HRAS: variants seen among roughly 807,000 people sequenced by gnomAD.
The protein encoded by HRAS is HRas proto-oncogene, GTPase, also known as GTPase HRas.
HRAS carries 11 observed loss-of-function variants against 19.8 expected under a neutral mutation model. That is an observed-to-expected ratio of 0.55 (90% confidence interval 0.35 to 0.92). The LOEUF is 0.92. Among genes scored for constraint, HRAS ranks in the 40% least tolerant of loss-of-function variants. HRAS has a pLI of 0.01. For missense variants in HRAS, 204 were observed against 255.9 expected (o/e 0.80, Z 1.38); for synonymous variants, 149 against 105.5 (o/e 1.41, Z -2.52).
chr11:533,392 C>T (rs552000625), intron 4 of HRAS, 61 bp downstream of exon 4: 1 of 1,609,110 alleles, frequency 6.2e-7, no homozygotes, highest in Non-Finnish European at 8.5e-7. Context: ...GAGTGCTGCT[C>T]CCTGGCTGGG....
Sources: allele counts gnomAD v4.1 joint callset, GRCh38; gene constraint gnomAD v4.1.1; transcripts MANE v1.5; gene names NCBI Gene and HGNC (gene_info 2026-07-23, HGNC 2026-07-21).